GRM8: variants seen among roughly 807,000 people sequenced by gnomAD.
The protein encoded by GRM8 is glutamate metabotropic receptor 8, also known as metabotropic glutamate receptor 8.
GRM8 carries 47 observed loss-of-function variants against 87.2 expected under a neutral mutation model. That is an observed-to-expected ratio of 0.54 (90% confidence interval 0.43 to 0.69). The LOEUF (loss-of-function observed/expected upper bound fraction) is 0.69, where lower values mean the gene tolerates loss of function less well. GRM8 is among the 30% of genes least tolerant of loss of function. The pLI, the probability that GRM8 is intolerant of heterozygous loss-of-function variation, is 0.00. For missense variants in GRM8, 1,019 were observed against 1,139.2 expected (o/e 0.89, Z 1.52); for synonymous variants, 396 against 404.5 (o/e 0.98, Z 0.25).
intron 6 of GRM8, among the ~76,000 whole-genome samples, chr7:126,874,798 A>G (rs1799398587): frequency 6.6e-6 from 1 of 152,164 alleles, no homozygotes; most frequent in Non-Finnish European, 1.5e-5. Context: ...ATAAACATGG[A>G]AGTACATTTG....
intron 7 of GRM8, among the ~76,000 whole-genome samples, chr7:126,647,068 G>A (rs1190802327): frequency 6.6e-6 from 1 of 152,070 alleles, no homozygotes; most frequent in Non-Finnish European, 1.5e-5. Context: ...ATGCTGGAAG[G>A]TCTGCAAACT....
In GRM8 at chr7:126,797,000, C is replaced by T. The variant is rs144678420; in HGVS notation, c.1157-26935G>A. On this transcript the variant is annotated intron_variant, in intron 6 of 10. Coordinates refer to ENST00000339582, the MANE Select transcript of GRM8 (RefSeq NM_000845.3). ...TTCAAATTTCAGGATCAGAAGTGCG[C>T]TGTTCTCTCCTTTTGAATGGGAGAG... 2.6e-3 allele frequency among the ~76,000 whole-genome samples: 399 copies of T among 152,188 alleles called. 3 individuals carry two copies. Among genetic ancestry groups the T allele is most frequent in the African/African-American group, 9.1e-3 (377 of 41,532 alleles).
At chr7:126,804,659 G>A (rs1471878611) in intron 6 of GRM8, among the ~76,000 whole-genome samples, 3 of 152,214 alleles carry the variant, frequency 2.0e-5, no homozygotes, top group African/African-American at 7.2e-5. Context: ...CATTAAGGAT[G>A]TGCTACAAGC....
intron 9 of GRM8, among the ~76,000 whole-genome samples, chr7:126,465,558 A>G (rs1804396851): frequency 6.6e-6 from 1 of 151,796 alleles, no homozygotes; most frequent in African/African-American, 2.4e-5. Context: ...TTTGTTAGAT[A>G]TATTTTTAGT....
intron 7 of GRM8, among the ~76,000 whole-genome samples, chr7:126,682,569 A>G (rs1474082246): frequency 6.6e-6 from 1 of 152,244 alleles, no homozygotes; most frequent in Non-Finnish European, 1.5e-5. Flanking sequence ...GGGGTCAGCA[A>G]AGAATGGTCG....
chr7:126,787,349 G>A (rs1325103568), intron 6 of GRM8, among the ~76,000 whole-genome samples: 1 of 152,102 alleles, frequency 6.6e-6, no homozygotes, highest in Admixed American at 6.6e-5. Flanking sequence ...AGAGGGGAGG[G>A]AGTAATAATA....
chr7:126,515,419 C>A (rs1402075403), intron 9 of GRM8, among the ~76,000 whole-genome samples: 1 of 152,052 alleles, frequency 6.6e-6, no homozygotes, highest in African/African-American at 2.4e-5. Context: ...AAAAAGTCAT[C>A]TAAATCAATA....
chr7:127,112,867 T>C (rs1025982815), intron 2 of GRM8, among the ~76,000 whole-genome samples: 14 of 152,244 alleles, frequency 9.2e-5, no homozygotes, highest in Admixed American at 2.6e-4. Context: ...CGGACTTCAA[T>C]GTGTCATTAA....
chr7:126,618,200 C>T lies in GRM8; in HGVS notation c.1358-8702G>A, dbSNP rs1250254897. 7.2e-5 allele frequency among the ~76,000 whole-genome samples: 11 copies of T among 152,198 alleles called. No individual in the cohort carries two copies. In the South Asian group the frequency reaches 1.7e-3, roughly 23 times the overall value. The stretch of plus-strand genomic sequence containing the variant: ...AGAGATATAGACCAATGGAACAGAA[C>T]AGAGCCCTCAGAAATAATACCACAC... On this transcript the variant is annotated intron_variant, in intron 7 of 10. Coordinates refer to ENST00000339582, the MANE Select transcript of GRM8 (RefSeq NM_000845.3).
At chr7:126,649,844 G>A (rs1803602634) in intron 7 of GRM8, among the ~76,000 whole-genome samples, 1 of 152,170 alleles carries the variant, frequency 6.6e-6, no homozygotes, top group Non-Finnish European at 1.5e-5. Flanking sequence ...TGCTGTGCAA[G>A]CTGCTCTGCC....
intron 2 of GRM8, among the ~76,000 whole-genome samples, chr7:127,160,106 C>T (rs1307434760): frequency 6.6e-6 from 1 of 152,066 alleles, no homozygotes; most frequent in Non-Finnish European, 1.5e-5. Flanking sequence ...ACATCTCTTT[C>T]AAGAAAACAC....
intron 3 of GRM8, among the ~76,000 whole-genome samples, chr7:127,060,004 C>T (rs1328040650): frequency 6.6e-6 from 1 of 152,310 alleles, no homozygotes; most frequent in African/African-American, 2.4e-5. Flanking sequence ...TATATTCTGA[C>T]ATTAAGCCCC....
At chr7:127,177,766 G>T (rs1349696760) in intron 2 of GRM8, among the ~76,000 whole-genome samples, 2 of 152,146 alleles carry the variant, frequency 1.3e-5, no homozygotes, top group Non-Finnish European at 2.9e-5. Flanking sequence ...ACTGCAGTTT[G>T]GCTCTCAGGA....
intron 3 of GRM8, among the ~76,000 whole-genome samples, chr7:126,948,944 T>C (rs1807845228): frequency 6.6e-6 from 1 of 152,212 alleles, no homozygotes; most frequent in Non-Finnish European, 1.5e-5. Flanking sequence ...GTAAATATTC[T>C]AACAGATATA....
At chr7:127,250,555 G>A (rs1191925538) in intron 1 of GRM8, among the ~76,000 whole-genome samples, 2 of 151,992 alleles carry the variant, frequency 1.3e-5, no homozygotes, top group South Asian at 2.1e-4. Context: ...GGTACAACCT[G>A]TAGTTGACTC....
chr7:126,921,544 T>C (rs1456596467), intron 3 of GRM8, among the ~76,000 whole-genome samples: 1 of 152,068 alleles, frequency 6.6e-6, no homozygotes, highest in Admixed American at 6.6e-5. Context: ...TATGAAGGAA[T>C]ATTAACACAA....
intron 7 of GRM8, among the ~76,000 whole-genome samples, chr7:126,674,573 T>G (rs1050989964): frequency 5.3e-5 from 8 of 152,100 alleles, no homozygotes; most frequent in African/African-American, 1.9e-4. Flanking sequence ...GTCTTGGCAT[T>G]CAAGAACTCA....
At chr7:126,453,653 A>T (rs1011826617) in intron 9 of GRM8, among the ~76,000 whole-genome samples, 1 of 151,838 alleles carries the variant, frequency 6.6e-6, no homozygotes, top group Non-Finnish European at 1.5e-5. Context: ...ATTTACAATG[A>T]CTATAATTAA....
At chr7:126,840,124 C>T (rs1266657440) in intron 6 of GRM8, among the ~76,000 whole-genome samples, 3 of 152,114 alleles carry the variant, frequency 2.0e-5, no homozygotes, top group Non-Finnish European at 4.4e-5. Flanking sequence ...GTATTCAAGC[C>T]TGATAGGTAA....
Sources: allele counts gnomAD v4.1 joint callset (sites outside exome capture counted in the v4.1 genomes callset), GRCh38; gene constraint gnomAD v4.1.1; transcripts MANE v1.5; gene names NCBI Gene and HGNC (gene_info 2026-07-23, HGNC 2026-07-21).